Variants in EPHB4 observed in about 807,000 individuals in gnomAD.
EPHB4 encodes ephrin type-B receptor 4.
A neutral mutation model predicts 110.6 loss-of-function variants in EPHB4; 50 were observed. The ratio of observed to expected loss-of-function variants is 0.45; its 90% CI spans 0.36 to 0.57. The LOEUF (loss-of-function observed/expected upper bound fraction) is 0.57, where lower values mean the gene tolerates loss of function less well. Ranked by LOEUF, EPHB4 falls within the 20% of genes least tolerant of loss-of-function variation. The pLI is 0.00. For missense variants in EPHB4, 1,128 were observed against 1,382.1 expected, an observed-to-expected ratio of 0.82 and a Z score of 2.91; for synonymous variants, 592 against 578.4, an observed-to-expected ratio of 1.02 and a Z score of -0.34.
rs763356341 is a variant in EPHB4 at position 100,813,950 on chromosome 7, CCAGGACCAG to C, written c.1651_1659del (p.Leu551_Leu553del). ...CAGAGAACTGCGACCACAATGACCACCAGGACCAGGACCACACCCACGACTGCCGTGCCC... is the reference window on the plus strand; with the variant it reads ...CAGAGAACTGCGACCACAATGACCACGACCACACCCACGACTGCCGTGCCC... On this transcript the variant is annotated inframe_deletion, in exon 9 of 17. Coordinates refer to ENST00000358173, the MANE Select transcript of EPHB4 (RefSeq NM_004444.5). 6.2e-7 allele frequency: 1 copy of C among 1,614,184 alleles called. No homozygotes were observed. Among genetic ancestry groups the C allele is most frequent in the Admixed American group, 1.7e-5 (1 of 60,026 alleles).
At chr7:100,818,303 C>G (rs552793295) in intron 7 of EPHB4, among the ~76,000 whole-genome samples, 178 of 152,324 alleles carry the variant, frequency 1.2e-3, no homozygotes, top group African/African-American at 4.0e-3. Flanking sequence ...CACCCAACCT[C>G]AGCCACTGTG....
Position 100,822,367 on chromosome 7 carries a change from A to AGAGGCT in EPHB4, c.706_711dup (p.Ser236_Leu237dup). 11 of 1,574,426 alleles carry AGAGGCT rather than the reference A, an allele frequency of 7.0e-6. No homozygotes were observed. Among genetic ancestry groups the AGAGGCT allele is most frequent in the Admixed American group, 1.8e-5 (1 of 54,096 alleles). On this transcript the variant is annotated inframe_insertion, in exon 4 of 17. Transcript: ENST00000358173. The surrounding 1 kb of genome is among the most constrained non-coding windows in gnomAD (Gnocchi z 4.7). The stretch of plus-strand genomic sequence containing the variant: ...GCCCACTGGCCATCCTCACGGCAGT[A>AGAGGCT]GAGGCTGGGGCTGGGGCCAGGGGCG...
At chr7:100,810,789 G>A (rs1330369715) in intron 12 of EPHB4, among the ~76,000 whole-genome samples, 1 of 151,998 alleles carries the variant, frequency 6.6e-6, no homozygotes, top group African/African-American at 2.4e-5. Context: ...TACAAAGCCC[G>A]GTCTTGAACT....
In EPHB4 at chr7:100,805,264, C is replaced by T. The variant is rs1453311753; in HGVS notation, c.2736G>A (p.Val912=). Residue 912 remains valine, a synonymous_variant, in exon 16 of 17, where the codon GTG becomes GTA. Transcript: ENST00000358173. ...TTTTGATGGCCCGAAGCCACTCGCC[C>T]ACAGAGCCAAAAGCTGAGTAGTGAG... The part of the protein sequence containing the change: ...RQPHYSAFGS[V]GEWLRAIKMG... The T allele has an allele frequency of 1.9e-6, 3 of 1,613,652 alleles. No individual in the cohort carries two copies. Among genetic ancestry groups the T allele is most frequent in the Admixed American group, 1.7e-5 (1 of 59,900 alleles).
chr7:100,826,912 A>C, intron 1 of EPHB4, 67 bp downstream of exon 1: 1 of 1,508,776 alleles, frequency 6.6e-7, no homozygotes, highest in Non-Finnish European at 8.9e-7. Flanking sequence ...CTCCACTCCG[A>C]GGCCCAGATG....
At chr7:100,814,970 T>C (rs1263762115) in intron 8 of EPHB4, among the ~76,000 whole-genome samples, 1 of 151,992 alleles carries the variant, frequency 6.6e-6, no homozygotes, top group Non-Finnish European at 1.5e-5. Context: ...TGCACTATGA[T>C]CAGACCATTA....
At chr7:100,825,721 G>T (rs1332019121) in intron 1 of EPHB4, among the ~76,000 whole-genome samples, 1 of 152,198 alleles carries the variant, frequency 6.6e-6, no homozygotes, top group Non-Finnish European at 1.5e-5. Context: ...CACCCTTAGC[G>T]TTGCTGGATG....
In EPHB4 at chr7:100,823,843, T is replaced by C; in HGVS notation, c.212A>G (p.His71Arg). The change falls in exon 3 of 17, where the codon CAC becomes CGC. Residue 71 changes from histidine (H) to arginine (R), a missense_variant. Around this residue, in one of 3 missense-constraint regions of EPHB4, gnomAD observed 728 missense variants for 828.6 expected, o/e 0.88. Transcript: ENST00000358173. Reference protein sequence around the residue: ...CDVQRAPGQAHWLRTGWVPRR... With the variant: ...CDVQRAPGQARWLRTGWVPRR... ...TGGGACCCAACCTGTGCGAAGCCAG[T>C]GGGCCTGGCCCGGGGCACGCTGCAC... is the stretch of plus-strand genomic sequence containing the variant. 3.1e-6 allele frequency: 5 copies of C among 1,613,104 alleles called. No homozygotes were observed. Among genetic ancestry groups the C allele is most frequent in the Non-Finnish European group, 4.2e-6 (5 of 1,179,834 alleles).
In EPHB4 at chr7:100,813,208, C is replaced by A; in HGVS notation, c.1757G>T (p.Gly586Val). The change falls in exon 11 of 17, where the codon GGT becomes GTT. Residue 586 changes from glycine (G) to valine (V), a missense_variant and splice_region_variant. Gly to Val is a moderately radical substitution (Grantham distance 109). Transcript: ENST00000358173. ...DKHGQYLIGH[G>V]TKVYIDPFTY... ...GAAGGGGTCGATGTAGACCTTAGTA[C>A]CTGAGAAATCAGGCAGGGCCCCGTC... 1 of 1,600,984 alleles carries A rather than the reference C, an allele frequency of 6.2e-7. No homozygotes were observed. The highest frequency in any genetic ancestry group is 8.5e-7 in the Non-Finnish European group (1 of 1,179,510).
At position 100,823,727 on chromosome 7, in the gene EPHB4, T is replaced by C; in HGVS notation, c.328A>G (p.Thr110Ala). The C allele has an allele frequency of 6.2e-7, 1 of 1,613,576 alleles. No individual in the cohort carries two copies. Among genetic ancestry groups the C allele is most frequent in the Non-Finnish European group, 8.5e-7 (1 of 1,179,954 alleles). Residue 110 changes from threonine to alanine, a missense_variant, in exon 3 of 17, where the codon ACC (threonine) becomes GCC (alanine). Physicochemically the swap from Thr to Ala is moderately conservative, Grantham distance 58 (BLOSUM62 0). Coordinates refer to ENST00000358173, the MANE Select transcript of EPHB4 (RefSeq NM_004444.5). Reference protein sequence around the residue: ...LPRAGRSCKETFTVFYYESDA... With the variant: ...LPRAGRSCKEAFTVFYYESDA... ...CTCTCATAGTAGAAGACGGTGAAGG[T>C]CTCCTTGCAGGAGCGCCCAGCCCGA...
In EPHB4 at chr7:100,818,734, G is replaced by C. The variant is rs566006528; in HGVS notation, c.1298-90C>G. ...ATTTTTTTTTTCGAGACGGAGTCGT[G>C]CTCTATCACCCAGGCTGGAGTGCAG... On this transcript the variant is annotated intron_variant, in intron 6 of 16. Coordinates refer to ENST00000358173, the MANE Select transcript of EPHB4 (RefSeq NM_004444.5). 7.0e-4 allele frequency: 1,014 copies of C among 1,438,308 alleles called. 5 individuals carry two copies. In the African/African-American group the frequency reaches 0.012, roughly 18 times the overall value. The allele number at this position is 1,438,308 out of a possible 1,614,324, so 89.1% of individuals were successfully genotyped here. A position where few individuals can be genotyped will look rare whatever the true frequency, so the allele number is the denominator to read the frequency against.
intron 4 of EPHB4, among the ~76,000 whole-genome samples, chr7:100,821,582 C>A (rs972136417): frequency 1.3e-5 from 2 of 150,128 alleles, no homozygotes; most frequent in Non-Finnish European, 3.0e-5. Context: ...GAGCCGAGAT[C>A]GCACCACTGC....
intron 7 of EPHB4, 39 bp from the exon 8 acceptor site, chr7:100,817,396 A>G: frequency 6.7e-7 from 1 of 1,503,042 alleles, no homozygotes; most frequent in African/African-American, 1.4e-5. Context: ...TCACCCGGGA[A>G]CCCAAGTTCC....
intron 13 of EPHB4, among the ~76,000 whole-genome samples, chr7:100,807,106 G>T (rs570596979): frequency 1.7e-4 from 26 of 152,296 alleles, no homozygotes; most frequent in African/African-American, 6.3e-4. Context: ...GGGACTACAG[G>T]TGCATGCCAC....
Position 100,820,218 on chromosome 7 carries a change from G to A in EPHB4, c.887C>T (p.Thr296Ile). 6.2e-7 allele frequency: 1 copy of A among 1,614,180 alleles called. No homozygotes were observed. The highest frequency in any genetic ancestry group is 1.3e-5 in the African/African-American group (1 of 75,054). ...GCACTGGCAGACGGCTGATCCAATGGTGTTAGAGTGGCTATTGGCTGGGCA... is the reference window on the plus strand; with the variant it reads ...GCACTGGCAGACGGCTGATCCAATGATGTTAGAGTGGCTATTGGCTGGGCA... ...QPCPANSHSN[T>I]IGSAVCQCRV... Residue 296 changes from threonine (T) to isoleucine (I), a missense_variant, in exon 5 of 17, where the codon ACC (threonine) becomes ATC (isoleucine). By Grantham distance (89) the Thr-to-Ile change is moderately conservative (BLOSUM62 -1). Transcript: ENST00000358173.
chr7:100,822,495 T>C lies in EPHB4; in HGVS notation c.584A>G (p.Lys195Arg), dbSNP rs1562973583. The C allele has an allele frequency of 2.5e-6, 4 of 1,613,260 alleles. No homozygotes were observed. The South Asian group carries it at 4.4e-5, about 18-fold the overall frequency. Residue 195 changes from lysine (K) to arginine (R), a missense_variant, in exon 4 of 17, where the codon AAA becomes AGA. Physicochemically the swap from Lys to Arg is conservative, Grantham distance 26. Around this residue, in one of 3 missense-constraint regions of EPHB4, gnomAD observed 728 missense variants for 828.6 expected, o/e 0.88. Transcript: ENST00000358173. The surrounding 1 kb of genome is among the most constrained non-coding windows in gnomAD (Gnocchi z 4.7). ...MALLSLHLFY[K>R]KCAQLTVNLT... ...GTTCACAGTCAGCTGGGCGCACTTT[T>C]TGTAGAAGAGGTGCAGGGATAGCAG...
chr7:100,818,266 G>A (rs1813131290), intron 7 of EPHB4, among the ~76,000 whole-genome samples: 1 of 152,160 alleles, frequency 6.6e-6, no homozygotes, highest in South Asian at 2.1e-4. Context: ...CTCCCAAAGT[G>A]CTTGGTATTA....
chr7:100,826,624 G>C (rs192373435), intron 1 of EPHB4, among the ~76,000 whole-genome samples: 1 of 152,242 alleles, frequency 6.6e-6, no homozygotes, highest in African/African-American at 2.4e-5. Flanking sequence ...TGTACGGCGG[G>C]AGGTGGGACT....
chr7:100,824,037 G>A (rs911662101), intron 2 of EPHB4, 106 bp from the exon 3 acceptor site: 2 of 1,511,766 alleles, frequency 1.3e-6, no homozygotes, highest in Non-Finnish European at 1.8e-6. Context: ...GGGGCTGCTG[G>A]TACTGCGAGG....
Sources: allele counts gnomAD v4.1 joint callset (sites outside exome capture counted in the v4.1 genomes callset), GRCh38; gene constraint gnomAD v4.1.1; regional missense constraint gnomAD v4.1.1; non-coding constraint Gnocchi (gnomAD v3.1); transcripts MANE v1.5; gene names NCBI Gene and HGNC (gene_info 2026-07-23, HGNC 2026-07-21).